TM2D1: variants seen among roughly 807,000 people sequenced by gnomAD.
TM2D1 encodes TM2 domain-containing protein 1.
In TM2D1, 15 loss-of-function variants were observed where a neutral mutation model predicts 28.4. The ratio of observed to expected loss-of-function variants is 0.53; its 90% CI spans 0.35 to 0.81. The LOEUF is 0.81. Ranked by LOEUF, TM2D1 falls within the 40% of genes least tolerant of loss-of-function variation. The probability of loss-of-function intolerance (pLI) is 0.01; values close to 1 mark genes in which losing one functional copy is unlikely to be tolerated. For synonymous variants in TM2D1, 93 were observed against 96.2 expected (o/e 0.97, Z 0.20); for missense variants, 236 against 254.9 (o/e 0.93, Z 0.50).
chr1:61,691,939 A>ATATATATATATATATG (rs1644330374), intron 5 of TM2D1, among the ~76,000 whole-genome samples: 3 of 96,028 alleles, frequency 3.1e-5, no homozygotes, highest in East Asian at 2.8e-4. Context: ...AAAAATATAT[A>ATATATATATATATATG]TATATATATA....
intron 5 of TM2D1, chr1:61,686,917 TGTCTCTA>T: frequency 1.0e-6 from 1 of 975,522 alleles, no homozygotes; most frequent in Non-Finnish European, 1.2e-6. Flanking sequence ...AGCAAGACCC[TGTCTCTA>T]AAAAAAGAAA....
At chr1:61,683,342 G>A in intron 6 of TM2D1, 75 bp downstream of exon 6, 1 of 477,458 alleles carries the variant, frequency 2.1e-6, no homozygotes, top group Non-Finnish European at 3.4e-6. Context: ...AATTTTCTAT[G>A]GTCCTAAAAT....
At chr1:61,684,984 A>G (rs1644273247) in intron 5 of TM2D1, among the ~76,000 whole-genome samples, 1 of 152,130 alleles carries the variant, frequency 6.6e-6, no homozygotes, top group African/African-American at 2.4e-5. Flanking sequence ...GGATTTCACT[A>G]TGTTGAACAG....
At chr1:61,704,327 A>T (rs959687399) in intron 3 of TM2D1, among the ~76,000 whole-genome samples, 1 of 152,224 alleles carries the variant, frequency 6.6e-6, no homozygotes, top group Non-Finnish European at 1.5e-5. Flanking sequence ...AGGACCAAGC[A>T]TATCAAGACT....
intron 2 of TM2D1, among the ~76,000 whole-genome samples, chr1:61,711,125 G>T (rs1047248849): frequency 6.6e-6 from 1 of 151,956 alleles, no homozygotes; most frequent in Non-Finnish European, 1.5e-5. Flanking sequence ...ATCACTTGAG[G>T]TTTGGAGTGC....
At chr1:61,716,621 A>C (rs1289175291) in intron 2 of TM2D1, among the ~76,000 whole-genome samples, 1 of 148,686 alleles carries the variant, frequency 6.7e-6, no homozygotes, top group African/African-American at 2.4e-5. Flanking sequence ...AGAGAGTTAG[A>C]TTCCCCACTC....
At chr1:61,704,170 A>G (rs1211026003) in intron 3 of TM2D1, among the ~76,000 whole-genome samples, 5 of 152,046 alleles carry the variant, frequency 3.3e-5, no homozygotes, top group African/African-American at 1.2e-4. Context: ...GATTACAGGC[A>G]TAAGCCACTG....
intron 5 of TM2D1, among the ~76,000 whole-genome samples, chr1:61,687,300 T>A (rs573551243): frequency 9.9e-5 from 15 of 152,184 alleles, no homozygotes; most frequent in African/African-American, 3.6e-4. Context: ...ATTTTTGGAG[T>A]GATGAAAAAG....
chr1:61,697,022 C>T (rs1368597471), intron 4 of TM2D1, among the ~76,000 whole-genome samples: 1 of 151,996 alleles, frequency 6.6e-6, no homozygotes, highest in Admixed American at 6.6e-5. Flanking sequence ...GCTGGGCTAA[C>T]ATTTATCAAA....
At chr1:61,704,518 A>C (rs1171744752) in intron 3 of TM2D1, among the ~76,000 whole-genome samples, 1 of 151,414 alleles carries the variant, frequency 6.6e-6, no homozygotes, top group Non-Finnish European at 1.5e-5. Context: ...TGCAACCTCC[A>C]CCTCCTGGGT....
chr1:61,688,159 C>T (rs1644296680), intron 5 of TM2D1, among the ~76,000 whole-genome samples: 1 of 152,148 alleles, frequency 6.6e-6, no homozygotes, highest in Admixed American at 6.6e-5. Flanking sequence ...ATAAGAGTCA[C>T]CATTTATATC....
intron 1 of TM2D1, 112 bp downstream of exon 1, chr1:61,724,845 T>G (rs1372843585): frequency 8.5e-7 from 1 of 1,180,482 alleles, no homozygotes; most frequent in Non-Finnish European, 1.1e-6. Context: ...AAGCCACAGA[T>G]CAGATTATCG....
In TM2D1 at chr1:61,700,108, G is replaced by C. The variant is rs766512804; in HGVS notation, c.439+826C>G. On this transcript the variant is annotated intron_variant, in intron 4 of 6. Transcript: ENST00000606498. ...CATGATCTCTGGAGCCAGAAAATTT[G>C]GGTTCAAATTGAGGTCACTAGCTGA... is the stretch of plus-strand genomic sequence containing the variant. The C allele has an allele frequency of 3.4e-6, 5 of 1,452,640 alleles. No homozygotes were observed. The Admixed American group carries it at 1.5e-4, about 45-fold the overall frequency. The allele number at this position is 1,452,640 out of a possible 1,614,324, so 90.0% of individuals were successfully genotyped here.
intron 4 of TM2D1, among the ~76,000 whole-genome samples, chr1:61,695,722 G>A (rs1644358777): frequency 6.6e-6 from 1 of 152,168 alleles, no homozygotes; most frequent in South Asian, 2.1e-4. Context: ...AACTATGTAA[G>A]GACATTAGAT....
intron 4 of TM2D1, chr1:61,697,767 T>C (rs1310973812): frequency 1.3e-5 from 2 of 152,204 alleles, no homozygotes; most frequent in African/African-American, 4.8e-5. Flanking sequence ...CAAGCACTTA[T>C]CTGCTTTCTG....
rs759796747 is a variant in TM2D1 at position 61,715,645 on chromosome 1, C to CAAAA, written c.239-6212_239-6209dup. On this transcript the variant is annotated intron_variant, in intron 2 of 6. Transcript: ENST00000606498. ...CCTGGGTGACAGAGCAAGACTGTCTCAAAAAAAAAAAAAAAAAAAAAAAAA... is the reference window on the plus strand; with the variant it reads ...CCTGGGTGACAGAGCAAGACTGTCTCAAAAAAAAAAAAAAAAAAAAAAAAAAAAA... Among the ~76,000 whole-genome samples, 40 of 16,426 alleles carry CAAAA rather than the reference C, an allele frequency of 2.4e-3. 1 individual carries two copies. The highest frequency in any genetic ancestry group is 2.7e-3 in the Non-Finnish European group (21 of 7,906). The allele number at this position is 16,426 out of a possible 152,430, so 10.8% of individuals were successfully genotyped here. A position where few individuals can be genotyped will look rare whatever the true frequency, so the allele number is the denominator to read the frequency against.
intron 5 of TM2D1, among the ~76,000 whole-genome samples, chr1:61,691,933 A>ATATATATATATATATATATATG (rs1644329588): frequency 1.2e-5 from 1 of 83,024 alleles, no homozygotes; most frequent in African/African-American, 3.4e-5. Flanking sequence ...AAAAAAAAAA[A>ATATATATATATATATATATATG]TATATATATA....
At chr1:61,698,258 C>T (rs1252582146) in intron 4 of TM2D1, 1 of 152,214 alleles carries the variant, frequency 6.6e-6, no homozygotes, top group Admixed American at 6.5e-5. Flanking sequence ...AGGCCTCTGC[C>T]TTTAAGAATG....
intron 2 of TM2D1, among the ~76,000 whole-genome samples, chr1:61,716,203 T>G (rs929280286): frequency 6.6e-6 from 1 of 150,902 alleles, no homozygotes; most frequent in Non-Finnish European, 1.5e-5. Context: ...CCTGTAGTCC[T>G]AGCTACTCGG....
Sources: allele counts gnomAD v4.1 joint callset (sites outside exome capture counted in the v4.1 genomes callset), GRCh38; gene constraint gnomAD v4.1.1; transcripts MANE v1.5; gene names NCBI Gene and HGNC (gene_info 2026-07-23, HGNC 2026-07-21).